Variants in TASP1 observed in about 807,000 individuals in gnomAD.
The protein encoded by TASP1 is threonine aspartase 1.
TASP1 carries 16 observed loss-of-function variants against 56.6 expected under a neutral mutation model. The observed-to-expected ratio is 0.28, with a 90% CI of 0.19 to 0.43. The LOEUF (loss-of-function observed/expected upper bound fraction) is 0.43, where lower values mean the gene tolerates loss of function less well. Among genes scored for constraint, TASP1 ranks in the 20% least tolerant of loss-of-function variants. The pLI is 1.00. For synonymous variants in TASP1, 179 were observed against 184.2 expected (o/e 0.97, Z 0.23); for missense variants, 393 against 511.6 (o/e 0.77, Z 2.24).
chr20:13,133,768 T>C, the TASP1 span, among the ~76,000 whole-genome samples: 1 of 152,046 alleles, frequency 6.6e-6, no homozygotes, highest in African/African-American at 2.4e-5. Context: ...TAGGGGAACT[T>C]ACGTACAGGG....
intron 4 of TASP1, among the ~76,000 whole-genome samples, chr20:13,613,782 T>G (rs2048430816): frequency 6.6e-6 from 1 of 152,014 alleles, no homozygotes; most frequent in South Asian, 2.1e-4. Context: ...TTAATGAACT[T>G]TAACCAATAA....
At chr20:13,187,095 T>C in the TASP1 span, among the ~76,000 whole-genome samples, 2 of 152,196 alleles carry the variant, frequency 1.3e-5, no homozygotes, top group Admixed American at 6.5e-5. Context: ...AGAATGCCTT[T>C]GATGGGGCTC....
the TASP1 span, among the ~76,000 whole-genome samples, chr20:13,232,757 A>G: frequency 6.6e-6 from 1 of 152,194 alleles, no homozygotes; most frequent in East Asian, 1.9e-4. Context: ...CAATCCAGGT[A>G]CTCCCTTGGA....
chr20:13,522,812 C>T (rs951310545), intron 10 of TASP1, among the ~76,000 whole-genome samples: 1 of 151,964 alleles, frequency 6.6e-6, no homozygotes, highest in African/African-American at 2.4e-5. Context: ...AGCACTGAGG[C>T]ACTCCAACAC....
intron 8 of TASP1, among the ~76,000 whole-genome samples, chr20:13,536,486 T>C (rs981125627): frequency 6.6e-6 from 1 of 152,214 alleles, no homozygotes; most frequent in African/African-American, 2.4e-5. Flanking sequence ...ACACTTTGAA[T>C]AGCAAACAAA....
At chr20:13,453,856 G>A (rs542397391) in intron 11 of TASP1, among the ~76,000 whole-genome samples, 5 of 152,148 alleles carry the variant, frequency 3.3e-5, no homozygotes, top group African/African-American at 7.2e-5. Flanking sequence ...CAAACAAGGG[G>A]CTGAGAGGGA....
chr20:13,250,669 T>C, the TASP1 span, among the ~76,000 whole-genome samples: 340 of 152,342 alleles, frequency 2.2e-3, 3 homozygotes, highest in Non-Finnish European at 2.1e-3. Flanking sequence ...CTGCTGTGGA[T>C]TGTAAGCTCC....
At chr20:13,280,460 A>G in the TASP1 span, among the ~76,000 whole-genome samples, 1 of 147,724 alleles carries the variant, frequency 6.8e-6, no homozygotes, top group African/African-American at 2.5e-5. Context: ...TGGGAGTAGG[A>G]TAAGTGAGGT....
intron 8 of TASP1, among the ~76,000 whole-genome samples, chr20:13,539,246 CTTTG>C (rs1406496563): frequency 6.6e-6 from 1 of 152,076 alleles, no homozygotes; most frequent in Non-Finnish European, 1.5e-5. Flanking sequence ...CTTTTATTTT[CTTTG>C]TTTAATAGGT....
At chr20:13,479,463 CT>C (rs777068211) in intron 11 of TASP1, among the ~76,000 whole-genome samples, 1,905 of 141,640 alleles carry the variant, frequency 0.013, 12 homozygotes, top group African/African-American at 0.023. Context: ...TGATTTACAA[CT>C]TTTTTTTTTT....
the TASP1 span, among the ~76,000 whole-genome samples, chr20:13,142,913 T>C: frequency 6.6e-6 from 1 of 152,308 alleles, no homozygotes; most frequent in African/African-American, 2.4e-5. Context: ...CCCGCCTCTC[T>C]CTCTCTCTTT....
the TASP1 span, among the ~76,000 whole-genome samples, chr20:13,136,554 C>T: frequency 6.0e-5 from 9 of 150,694 alleles, no homozygotes; most frequent in Non-Finnish European, 8.9e-5. Context: ...GAGATTAAAT[C>T]GAACCACTGC....
the TASP1 span, among the ~76,000 whole-genome samples, chr20:13,336,150 C>T: frequency 6.6e-6 from 1 of 152,076 alleles, no homozygotes; most frequent in African/African-American, 2.4e-5. Flanking sequence ...TTCCAGGGGG[C>T]CCAAAGGAGA....
chr20:13,288,558 G>A, the TASP1 span: 5 of 1,613,882 alleles, frequency 3.1e-6, no homozygotes, highest in South Asian at 1.1e-5. Context: ...GATGGCGAGG[G>A]TGACTGGAGT....
rs149908928 is a variant in TASP1, at chr20:13,444,806, C to T, written c.986-9652G>A. 6.4e-4 allele frequency among the ~76,000 whole-genome samples: 97 copies of T among 152,180 alleles called. No individual in the cohort carries two copies. In the South Asian group the frequency reaches 1.0e-2, roughly 16 times the overall value. On this transcript the variant is annotated intron_variant, in intron 11 of 13. Transcript: ENST00000337743. ...CCTTAGGCATATGGAGGTAAATGAGCCTACAGAAACACAAGGAAGAAGTGG... is the reference window on the plus strand; with the variant it reads ...CCTTAGGCATATGGAGGTAAATGAGTCTACAGAAACACAAGGAAGAAGTGG...
chr20:13,375,241 A>AC, the TASP1 span, among the ~76,000 whole-genome samples: 1 of 64,570 alleles, frequency 1.5e-5, no homozygotes. Context: ...CGAGCCCCCC[A>AC]CCCCCCAACA....
At chr20:13,582,857 C>T (rs572011495) in intron 5 of TASP1, among the ~76,000 whole-genome samples, 2 of 152,218 alleles carry the variant, frequency 1.3e-5, no homozygotes, top group East Asian at 1.9e-4. Flanking sequence ...CCTCTAAGTA[C>T]GTTTCCTTTG....
intron 4 of TASP1, among the ~76,000 whole-genome samples, chr20:13,614,295 A>C (rs528694726): frequency 1.7e-4 from 26 of 152,168 alleles, no homozygotes; most frequent in Non-Finnish European, 3.4e-4. Context: ...CATTTTTTTA[A>C]CTATTCAATT....
intron 11 of TASP1, among the ~76,000 whole-genome samples, chr20:13,475,689 G>C (rs571867176): frequency 6.6e-6 from 1 of 152,148 alleles, no homozygotes; most frequent in Non-Finnish European, 1.5e-5. Flanking sequence ...GAGGTCAGGA[G>C]TTTGAGACCA....
Sources: gnomAD v4.1 joint callset for allele counts (sites outside exome capture counted in the v4.1 genomes callset) on GRCh38, gnomAD v4.1.1 for gene constraint, MANE v1.5 for transcripts, NCBI Gene and HGNC (gene_info 2026-07-23, HGNC 2026-07-21) for gene names.